NSMAF: variants seen among roughly 807,000 people sequenced by gnomAD.
NSMAF encodes neutral sphingomyelinase activation associated factor, also known as protein FAN.
In NSMAF, 90 loss-of-function variants were observed where a neutral mutation model predicts 134.9. The ratio of observed to expected loss-of-function variants is 0.67; its 90% CI spans 0.56 to 0.79. The LOEUF is 0.79. Ranked by LOEUF, NSMAF falls within the 30% of genes least tolerant of loss-of-function variation. NSMAF has a pLI of 0.00. For missense variants in NSMAF, 1,010 were observed against 1,119.0 expected (o/e 0.90, Z 1.39); for synonymous variants, 358 against 389.6 (o/e 0.92, Z 0.96).
At chr8:58,652,014 A>C (rs1420307214) in intron 1 of NSMAF, among the ~76,000 whole-genome samples, 2 of 152,222 alleles carry the variant, frequency 1.3e-5, no homozygotes, top group Non-Finnish European at 2.9e-5. Context: ...AGTAGCCCAC[A>C]ACCTAGTATT....
intron 19 of NSMAF, 147 bp downstream of exon 19, chr8:58,599,085 G>C: frequency 1.3e-6 from 1 of 784,424 alleles, no homozygotes; most frequent in Non-Finnish European, 2.0e-6. Flanking sequence ...GCTGGAGTCT[G>C]ACAGAACATG....
intron 1 of NSMAF, among the ~76,000 whole-genome samples, chr8:58,645,422 G>A (rs1191662447): frequency 2.0e-5 from 3 of 152,174 alleles, no homozygotes; most frequent in Non-Finnish European, 4.4e-5. Context: ...TATCACTCCA[G>A]GCAGGAGTCT....
intron 6 of NSMAF, 172 bp downstream of exon 6, chr8:58,631,324 C>T: frequency 2.4e-5 from 9 of 372,792 alleles, no homozygotes; most frequent in Admixed American, 4.8e-5. Context: ...ATTGAATTCT[C>T]TTGAAATAAA....
chr8:58,652,151 A>G (rs1807599349), intron 1 of NSMAF, among the ~76,000 whole-genome samples: 1 of 151,876 alleles, frequency 6.6e-6, no homozygotes, highest in African/African-American at 2.4e-5. Context: ...CTCAAGCAGG[A>G]TAGATGAAGA....
chr8:58,594,206 G>T (rs777729964), intron 23 of NSMAF, 26 bp downstream of exon 23: 1 of 1,610,708 alleles, frequency 6.2e-7, no homozygotes, highest in Non-Finnish European at 8.5e-7. Context: ...TTTTGGTTAA[G>T]CCGCCTTTCG....
At chr8:58,585,317 G>GTTTTTTTTTTTTTTT (rs571525208) in intron 30 of NSMAF, among the ~76,000 whole-genome samples, 7 of 144,318 alleles carry the variant, frequency 4.9e-5, no homozygotes, top group African/African-American at 1.5e-4. Context: ...TTGTTTCTGG[G>GTTTTTTTTTTTTTTT]TTTTTTTTTT....
chr8:58,635,133 G>T, intron 5 of NSMAF, 56 bp downstream of exon 5: 1 of 1,258,954 alleles, frequency 7.9e-7, no homozygotes, highest in Non-Finnish European at 1.2e-6. Flanking sequence ...TTTCATTCAT[G>T]CACATATATA....
At chr8:58,615,930 A>T (rs1399738886) in intron 9 of NSMAF, among the ~76,000 whole-genome samples, 3 of 152,156 alleles carry the variant, frequency 2.0e-5, no homozygotes, top group African/African-American at 7.2e-5. Flanking sequence ...GATTTTTTTT[A>T]AAAAGAGAAA....
Position 58,589,463 on chromosome 8 carries a change from A to C in NSMAF, c.2200T>G (p.Ser734Ala). ...DNRLYSASWD[S>A]TVKVWSGVPA... ...AATTATATATGAACCTTCACTGTAG[A>C]GTCCCACGATGCAGAATATAGCCTG... is the stretch of plus-strand genomic sequence containing the variant. The change falls in exon 26 of 31, where the codon TCT becomes GCT. Residue 734 changes from serine (S) to alanine (A), a missense_variant. Coordinates refer to ENST00000038176, the MANE Select transcript of NSMAF (RefSeq NM_003580.4). 6.6e-7 allele frequency: 1 copy of C among 1,512,092 alleles called. No homozygotes were observed. Among genetic ancestry groups the C allele is most frequent in the Non-Finnish European group, 8.8e-7 (1 of 1,139,758 alleles). The allele number at this position is 1,512,092 out of a possible 1,614,324, so 93.7% of individuals were successfully genotyped here. A position where few individuals can be genotyped will look rare whatever the true frequency, so the allele number is the denominator to read the frequency against.
At chr8:58,592,760 G>A (rs1806045827) in intron 23 of NSMAF, among the ~76,000 whole-genome samples, 1 of 151,974 alleles carries the variant, frequency 6.6e-6, no homozygotes, top group Non-Finnish European at 1.5e-5. Flanking sequence ...GATGGTGGGT[G>A]CCTGTGAACC....
At chr8:58,642,442 T>C (rs542858227) in intron 2 of NSMAF, among the ~76,000 whole-genome samples, 183 of 152,356 alleles carry the variant, frequency 1.2e-3, no homozygotes, top group Admixed American at 2.2e-3. Context: ...TAATAGTTAT[T>C]AAGATACTGA....
At chr8:58,609,485 G>A (rs543705531) in intron 10 of NSMAF, 119 bp downstream of exon 10, 42 of 913,472 alleles carry the variant, frequency 4.6e-5, no homozygotes, top group Non-Finnish European at 7.0e-5. Context: ...CTGTGAAGGG[G>A]GTGGGCAGGG....
intron 5 of NSMAF, among the ~76,000 whole-genome samples, chr8:58,631,769 A>C (rs901871557): frequency 6.6e-6 from 1 of 152,192 alleles, no homozygotes; most frequent in Non-Finnish European, 1.5e-5. Context: ...GCAACAAGAT[A>C]GCAACAATTA....
At chr8:58,605,131 TA>T (rs748144057) in intron 12 of NSMAF, among the ~76,000 whole-genome samples, 1 of 152,166 alleles carries the variant, frequency 6.6e-6, no homozygotes, top group Non-Finnish European at 1.5e-5. Flanking sequence ...TGCAATGTAA[TA>T]AAAAAACTTT....
Position 58,659,533 on chromosome 8 carries a change from C to CT in NSMAF, c.59+39dup, listed in dbSNP as rs752126934. On this transcript the variant is annotated intron_variant, in intron 1 of 30. Coordinates refer to ENST00000038176, the MANE Select transcript of NSMAF (RefSeq NM_003580.4). ...CCGGCGTCCCCACGACCGGCCCCGA[C>CT]TAGGCCCCCGGCTGGGCCCTTCTTC... The CT allele has an allele frequency of 2.0e-5, 30 of 1,522,728 alleles. No individual in the cohort carries two copies. The African/African-American group carries it at 4.2e-4, about 21-fold the overall frequency. 94.3% of individuals were successfully genotyped at this position (1,522,728 alleles called of 1,614,324 possible).
At chr8:58,585,015 A>T (rs1805851168) in intron 30 of NSMAF, among the ~76,000 whole-genome samples, 1 of 152,228 alleles carries the variant, frequency 6.6e-6, no homozygotes, top group Non-Finnish European at 1.5e-5. Flanking sequence ...TACTGCTTAC[A>T]GTGGGAACTC....
intron 6 of NSMAF, among the ~76,000 whole-genome samples, chr8:58,629,950 T>G (rs1022138798): frequency 4.6e-5 from 7 of 152,180 alleles, no homozygotes; most frequent in Non-Finnish European, 7.3e-5. Flanking sequence ...CAGGGTTCCA[T>G]CTGTACTCTG....
intron 6 of NSMAF, among the ~76,000 whole-genome samples, chr8:58,625,533 C>T (rs967099317): frequency 2.0e-5 from 3 of 152,144 alleles, no homozygotes; most frequent in African/African-American, 4.8e-5. Flanking sequence ...TTTATCATTA[C>T]ATAATATCCT....
chr8:58,623,425 C>A lies in NSMAF; in HGVS notation c.457-1G>T. 6.2e-7 allele frequency: 1 copy of A among 1,613,720 alleles called. No individual in the cohort carries two copies. The highest frequency in any genetic ancestry group is 8.5e-7 in the Non-Finnish European group (1 of 1,179,696). On this transcript the variant is annotated splice_acceptor_variant, in intron 7 of 30. Coordinates refer to ENST00000038176, the MANE Select transcript of NSMAF (RefSeq NM_003580.4). LOFTEE classifies it high-confidence loss of function. ...TGTCAAGGCAGGATGCTCTGTGAAG[C>A]TACAGTATCATAAACAGACATGAAT... is the stretch of plus-strand genomic sequence containing the variant.
Sources: allele counts gnomAD v4.1 joint callset (sites outside exome capture counted in the v4.1 genomes callset), GRCh38; gene constraint gnomAD v4.1.1; transcripts MANE v1.5; gene names NCBI Gene and HGNC (gene_info 2026-07-23, HGNC 2026-07-21).